Variants in GRXCR1 observed in about 807,000 individuals in gnomAD.
GRXCR1 encodes glutaredoxin and cysteine rich domain containing 1, also known as glutaredoxin domain-containing cysteine-rich protein 1.
A neutral mutation model predicts 27.3 loss-of-function variants in GRXCR1; 27 were observed. That is an observed-to-expected ratio of 0.99 (90% confidence interval 0.73 to 1.37). The LOEUF is 1.37. Ranked by LOEUF, GRXCR1 falls within the 40% of genes most tolerant of loss-of-function variation. GRXCR1 has a pLI of 0.00. For synonymous variants in GRXCR1, 122 were observed against 131.1 expected, an observed-to-expected ratio of 0.93 and a Z score of 0.47; for missense variants, 379 against 354.4, an observed-to-expected ratio of 1.07 and a Z score of -0.56.
At chr4:42,968,728 A>C (rs539938409) in intron 2 of GRXCR1, among the ~76,000 whole-genome samples, 1 of 152,194 alleles carries the variant, frequency 6.6e-6, no homozygotes, top group Non-Finnish European at 1.5e-5. Context: ...AAAGAAAAGC[A>C]AAAAAGTACC....
intron 1 of GRXCR1, among the ~76,000 whole-genome samples, chr4:42,900,027 G>T (rs960877058): frequency 6.6e-6 from 1 of 152,156 alleles, no homozygotes; most frequent in African/African-American, 2.4e-5. Context: ...ACTTAAAAAT[G>T]CAATTTAACA....
Position 42,949,611 on chromosome 4 carries a change from G to A in GRXCR1, c.385-13281G>A, listed in dbSNP as rs61248223. On this transcript the variant is annotated intron_variant, in intron 1 of 3. Coordinates refer to ENST00000399770, the MANE Select transcript of GRXCR1 (RefSeq NM_001080476.3). Reference sequence around the variant, plus strand: ...CATTTGTAAAGCTAAGATAATAACAGTACCTACCTTACTTATAGAGTTAAA... The same window carrying A: ...CATTTGTAAAGCTAAGATAATAACAATACCTACCTTACTTATAGAGTTAAA... Among the ~76,000 whole-genome samples the A allele has an allele frequency of 3.5e-3, 530 of 152,008 alleles. 2 individuals carry two copies. Among genetic ancestry groups the A allele is most frequent in the African/African-American group, 0.012 (501 of 41,446 alleles).
At chr4:42,923,066 C>G (rs1266418381) in intron 1 of GRXCR1, among the ~76,000 whole-genome samples, 1 of 152,110 alleles carries the variant, frequency 6.6e-6, no homozygotes, top group African/African-American at 2.4e-5. Context: ...TCTGCTTTCT[C>G]ACAGATACCT....
intron 1 of GRXCR1, among the ~76,000 whole-genome samples, chr4:42,949,350 A>G (rs773808275): frequency 2.5e-3 from 151 of 60,712 alleles, no homozygotes; most frequent in Non-Finnish European, 3.6e-3. Context: ...CCAAGACTCC[A>G]TCTCAAAAAA....
At chr4:42,933,335 G>T (rs553634347) in intron 1 of GRXCR1, among the ~76,000 whole-genome samples, 7 of 151,970 alleles carry the variant, frequency 4.6e-5, no homozygotes, top group South Asian at 2.1e-4. Flanking sequence ...CTGGAGAACA[G>T]CTGGAAGAAG....
At chr4:42,898,157 A>C (rs1444693260) in intron 1 of GRXCR1, among the ~76,000 whole-genome samples, 1 of 152,046 alleles carries the variant, frequency 6.6e-6, no homozygotes, top group Non-Finnish European at 1.5e-5. Context: ...TCATGTAATA[A>C]GACTAAACAT....
chr4:42,937,305 C>G (rs1220161914), intron 1 of GRXCR1, among the ~76,000 whole-genome samples: 1 of 150,556 alleles, frequency 6.6e-6, no homozygotes, highest in East Asian at 2.0e-4. Context: ...TTTTTGAGTA[C>G]TTTCTGGCAA....
chr4:42,978,090 G>T (rs1748565646), intron 2 of GRXCR1, among the ~76,000 whole-genome samples: 1 of 152,022 alleles, frequency 6.6e-6, no homozygotes, highest in Non-Finnish European at 1.5e-5. Flanking sequence ...TGGCACGTTT[G>T]TTGAAAATAT....
chr4:42,938,182 GT>G (rs1484917223), intron 1 of GRXCR1, among the ~76,000 whole-genome samples: 1 of 151,968 alleles, frequency 6.6e-6, no homozygotes, highest in Non-Finnish European at 1.5e-5. Context: ...TGTGAAGCTT[GT>G]CTTTCTGTGT....
chr4:42,915,223 G>A (rs1237195184), intron 1 of GRXCR1, among the ~76,000 whole-genome samples: 2 of 152,102 alleles, frequency 1.3e-5, no homozygotes, highest in African/African-American at 4.8e-5. Context: ...CTTAAATCTG[G>A]TTTGATCCAA....
intron 1 of GRXCR1, among the ~76,000 whole-genome samples, chr4:42,945,503 T>C (rs1747722311): frequency 6.6e-6 from 1 of 152,170 alleles, no homozygotes; most frequent in Non-Finnish European, 1.5e-5. Flanking sequence ...ATGTCTGGCA[T>C]CTTCTATACT....
At chr4:42,994,043 G>C (rs535645794) in intron 2 of GRXCR1, among the ~76,000 whole-genome samples, 4 of 152,234 alleles carry the variant, frequency 2.6e-5, no homozygotes, top group African/African-American at 9.6e-5. Context: ...TGTTTTATAG[G>C]ATCGTAGCAA....
intron 1 of GRXCR1, among the ~76,000 whole-genome samples, chr4:42,932,658 AGAGAG>A (rs1453451252): frequency 3.2e-4 from 41 of 127,204 alleles, no homozygotes; most frequent in African/African-American, 1.1e-3. Context: ...AGAGAGAGAG[AGAGAG>A]AGGCAATCTG....
At chr4:42,935,684 G>A (rs568024269) in intron 1 of GRXCR1, among the ~76,000 whole-genome samples, 1 of 152,012 alleles carries the variant, frequency 6.6e-6, no homozygotes, top group East Asian at 1.9e-4. Flanking sequence ...GGATAAACAG[G>A]CTGTATAGTA....
intron 2 of GRXCR1, among the ~76,000 whole-genome samples, chr4:42,987,248 A>ATATT (rs370379241): frequency 3.0e-5 from 2 of 67,552 alleles, no homozygotes; most frequent in South Asian, 1.0e-3. Flanking sequence ...TATAATATAT[A>ATATT]ATATATATAT....
At chr4:42,986,495 C>G (rs1711727956) in intron 2 of GRXCR1, among the ~76,000 whole-genome samples, 1 of 152,120 alleles carries the variant, frequency 6.6e-6, no homozygotes, top group African/African-American at 2.4e-5. Context: ...TTCGTGGTTT[C>G]AAATTAATCT....
intron 1 of GRXCR1, among the ~76,000 whole-genome samples, chr4:42,919,090 T>G (rs888496370): frequency 1.4e-4 from 22 of 152,196 alleles, no homozygotes; most frequent in Admixed American, 1.0e-3. Flanking sequence ...TAGTTGCTAA[T>G]ATTTAAAATC....
At chr4:42,944,315 C>CTA (rs1230479899) in intron 1 of GRXCR1, among the ~76,000 whole-genome samples, 2 of 151,924 alleles carry the variant, frequency 1.3e-5, no homozygotes, top group Non-Finnish European at 2.9e-5. Context: ...GTCTGTTAGA[C>CTA]TATAGCACAA....
chr4:42,943,862 G>A (rs957599147), intron 1 of GRXCR1, among the ~76,000 whole-genome samples: 45 of 151,686 alleles, frequency 3.0e-4, no homozygotes, highest in African/African-American at 9.4e-4. Context: ...CTATCTAATG[G>A]GTAGATGCCA....
Sources: allele counts gnomAD v4.1 joint callset (sites outside exome capture counted in the v4.1 genomes callset), GRCh38; gene constraint gnomAD v4.1.1; transcripts MANE v1.5; gene names NCBI Gene and HGNC (gene_info 2026-07-23, HGNC 2026-07-21).